COL8A1: variants seen among roughly 807,000 people sequenced by gnomAD.
The protein encoded by COL8A1 is collagen alpha-1(VIII) chain.
COL8A1 carries 21 observed loss-of-function variants against 42.7 expected under a neutral mutation model. The ratio of observed to expected loss-of-function variants is 0.49; its 90% CI spans 0.35 to 0.71. The LOEUF (loss-of-function observed/expected upper bound fraction) is 0.71. Ranked by LOEUF, COL8A1 falls within the 30% of genes least tolerant of loss-of-function variation. The pLI, the probability that COL8A1 is intolerant of heterozygous loss-of-function variation, is 0.01. For missense variants in COL8A1, 788 were observed against 962.4 expected (o/e 0.82, Z 2.40); for synonymous variants, 367 against 369.1 (o/e 0.99, Z 0.06).
chr3:99,765,979 T>C (rs530729197), intron 2 of COL8A1, among the ~76,000 whole-genome samples: 1 of 152,314 alleles, frequency 6.6e-6, no homozygotes. Context: ...AAATGTTAGC[T>C]CAACAAACCC....
At chr3:99,793,711 C>T (rs1293494134) in intron 3 of COL8A1, among the ~76,000 whole-genome samples, 4 of 151,994 alleles carry the variant, frequency 2.6e-5, no homozygotes, top group Non-Finnish European at 5.9e-5. Flanking sequence ...ACCTCAAATA[C>T]ATAAAAAAAA....
At chr3:99,729,166 C>G (rs934253093) in intron 1 of COL8A1, among the ~76,000 whole-genome samples, 1 of 152,006 alleles carries the variant, frequency 6.6e-6, no homozygotes, top group Admixed American at 6.6e-5. Context: ...TATCTTCTGT[C>G]AAACATTGCC....
At chr3:99,706,266 G>A (rs1043192622) in intron 1 of COL8A1, among the ~76,000 whole-genome samples, 14 of 152,190 alleles carry the variant, frequency 9.2e-5, no homozygotes, top group Non-Finnish European at 1.6e-4. Context: ...AGGAATGGAT[G>A]TTAATCTCTG....
At chr3:99,788,332 A>C (rs1941935781) in intron 2 of COL8A1, among the ~76,000 whole-genome samples, 1 of 152,238 alleles carries the variant, frequency 6.6e-6, no homozygotes, top group Non-Finnish European at 1.5e-5. Context: ...GTATTCTTCC[A>C]GGCATTTCAT....
intron 1 of COL8A1, chr3:99,678,692 A>G (rs1319987529): frequency 2.0e-5 from 3 of 152,080 alleles, no homozygotes; most frequent in Admixed American, 6.6e-5. Flanking sequence ...TCTCCACAAA[A>G]ATAGTTACTA....
chr3:99,729,623 A>G (rs568714950), intron 1 of COL8A1, among the ~76,000 whole-genome samples: 4 of 152,170 alleles, frequency 2.6e-5, no homozygotes, highest in African/African-American at 7.2e-5. Context: ...TTAGTTCAGA[A>G]TTGATCCTAT....
At chr3:99,710,361 C>T (rs923969032) in intron 1 of COL8A1, among the ~76,000 whole-genome samples, 6 of 152,074 alleles carry the variant, frequency 3.9e-5, no homozygotes, top group Admixed American at 3.9e-4. Flanking sequence ...TAAGCCCACT[C>T]CACTATCTCC....
At chr3:99,727,943 C>T (rs545889273) in intron 1 of COL8A1, among the ~76,000 whole-genome samples, 232 of 151,152 alleles carry the variant, frequency 1.5e-3, no homozygotes, top group African/African-American at 5.3e-3. Flanking sequence ...ATTCAACAAC[C>T]CTTCATGCTA....
chr3:99,795,855 A>C lies in COL8A1; in HGVS notation c.1954A>C (p.Ile652Leu). ...GRQNYNPQTG[I>L]FTCEVPGVYY... ...ACAGAACTACAACCCGCAGACAGGC[A>C]TCTTCACCTGTGAGGTCCCTGGTGT... The change falls in exon 4 of 4, where the codon ATC becomes CTC. Residue 652 changes from isoleucine to leucine, a missense_variant. By Grantham distance (5) the Ile-to-Leu change is conservative (BLOSUM62 2). Around this residue, in one of 4 missense-constraint regions of COL8A1, gnomAD observed 212 missense variants for 210.9 expected, o/e 1.00. Coordinates refer to ENST00000652472, the MANE Select transcript of COL8A1 (RefSeq NM_020351.4). 1 of 1,614,210 alleles carries C rather than the reference A, an allele frequency of 6.2e-7. No individual in the cohort carries two copies. The highest frequency in any genetic ancestry group is 1.1e-5 in the South Asian group (1 of 91,084).
At position 99,795,485 on chromosome 3, in the gene COL8A1, G is replaced by A; in HGVS notation, c.1584G>A (p.Gly528=). 1.3e-6 allele frequency: 2 copies of A among 1,557,508 alleles called. No homozygotes were observed. The highest frequency in any genetic ancestry group is 1.2e-5 in the South Asian group (1 of 86,134). The change falls in exon 4 of 4, where the codon GGG becomes GGA. Residue 528 remains glycine (G), a synonymous_variant. Coordinates refer to ENST00000652472, the MANE Select transcript of COL8A1 (RefSeq NM_020351.4). ...KGEPGLPGPP[G]FPGIGKPGVA... ...AGCCGGGCCTCCCAGGGCCCCCTGGGTTCCCTGGTATAGGGAAACCCGGAG... is the reference window on the plus strand; with the variant it reads ...AGCCGGGCCTCCCAGGGCCCCCTGGATTCCCTGGTATAGGGAAACCCGGAG...
chr3:99,795,157 T>C lies in COL8A1; in HGVS notation c.1256T>C (p.Val419Ala). The change falls in exon 4 of 4, where the codon GTA becomes GCA. Residue 419 changes from valine (V) to alanine (A), a missense_variant. Val to Ala is a moderately conservative substitution (Grantham distance 64). Around this residue, in one of 4 missense-constraint regions of COL8A1, gnomAD observed 421 missense variants for 553.1 expected, o/e 0.76. Coordinates refer to ENST00000652472, the MANE Select transcript of COL8A1 (RefSeq NM_020351.4). ...FPGPKGEGGI[V>A]GPQGPPGPKG... ...GGACCCAAAGGAGAAGGTGGGATTG[T>C]AGGGCCACAGGGGCCACCAGGTCCC... The C allele has an allele frequency of 1.9e-6, 3 of 1,613,596 alleles. No homozygotes were observed. The highest frequency in any genetic ancestry group is 1.7e-6 in the Non-Finnish European group (2 of 1,179,782).
At chr3:99,753,668 A>G (rs1164972708) in intron 2 of COL8A1, among the ~76,000 whole-genome samples, 1 of 152,154 alleles carries the variant, frequency 6.6e-6, no homozygotes, top group East Asian at 1.9e-4. Flanking sequence ...ACACAAAACT[A>G]TGTTCAAAAT....
intron 1 of COL8A1, among the ~76,000 whole-genome samples, chr3:99,668,875 A>G (rs1221112763): frequency 6.6e-6 from 1 of 152,030 alleles, no homozygotes; most frequent in East Asian, 1.9e-4. Flanking sequence ...AAATAAACAA[A>G]TTGACAAGTA....
intron 1 of COL8A1, among the ~76,000 whole-genome samples, chr3:99,730,140 T>C (rs972379735): frequency 3.3e-5 from 5 of 152,130 alleles, no homozygotes; most frequent in East Asian, 1.9e-4. Flanking sequence ...CATGAAAGAA[T>C]AGAATCTTTA....
chr3:99,696,853 A>G (rs1229233259), intron 1 of COL8A1, among the ~76,000 whole-genome samples: 1 of 152,186 alleles, frequency 6.6e-6, no homozygotes, highest in Non-Finnish European at 1.5e-5. Context: ...ATTCAGCTCT[A>G]CTTTGTCATA....
At chr3:99,696,692 C>CG (rs373357023) in intron 1 of COL8A1, among the ~76,000 whole-genome samples, 1 of 152,148 alleles carries the variant, frequency 6.6e-6, no homozygotes, top group African/African-American at 2.4e-5. Context: ...CATCAGTCCC[C>CG]GGGGTTACGC....
In COL8A1 at chr3:99,795,917, C is replaced by A. The variant is rs1942099141; in HGVS notation, c.2016C>A (p.Gly672=). ...YFAYHVHCKG[G]NVWVALFKNN... ...CATACCACGTTCACTGCAAGGGGGG[C>A]AACGTGTGGGTTGCTCTATTCAAGA... is the stretch of plus-strand genomic sequence containing the variant. The change falls in exon 4 of 4, where the codon GGC becomes GGA. Residue 672 remains glycine, a synonymous_variant. Coordinates refer to ENST00000652472, the MANE Select transcript of COL8A1 (RefSeq NM_020351.4). 6.2e-7 allele frequency: 1 copy of A among 1,614,144 alleles called. No individual in the cohort carries two copies. Among genetic ancestry groups the A allele is most frequent in the Non-Finnish European group, 8.5e-7 (1 of 1,180,010 alleles).
intron 2 of COL8A1, among the ~76,000 whole-genome samples, chr3:99,776,554 CA>C (rs1230459865): frequency 6.6e-6 from 1 of 151,596 alleles, no homozygotes; most frequent in African/African-American, 2.4e-5. Flanking sequence ...ACTTTGTAAG[CA>C]AAAAAAATTA....
At position 99,796,777 on chromosome 3, in the gene COL8A1, T is replaced by C. The variant is rs1055285949; in HGVS notation, c.*641T>C. On this transcript the variant is annotated 3_prime_UTR_variant, in exon 4 of 4. Coordinates refer to ENST00000652472, the MANE Select transcript of COL8A1 (RefSeq NM_020351.4). ...TGCGTGTCTGTTGTCTCTAAAAGAA[T>C]GGGTGAACCAATCGGCCTTTGTGAA... 1 of 152,240 alleles carries C rather than the reference T, an allele frequency of 6.6e-6. No homozygotes were observed. The highest frequency in any genetic ancestry group is 1.9e-4 in the East Asian group (1 of 5,196). The allele number at this position is 152,240 out of a possible 1,614,324, so 9.4% of individuals were successfully genotyped here. A position where few individuals can be genotyped will look rare whatever the true frequency, so the allele number is the denominator to read the frequency against.
Sources: gnomAD v4.1 joint callset for allele counts (sites outside exome capture counted in the v4.1 genomes callset) on GRCh38, gnomAD v4.1.1 for gene constraint, gnomAD v4.1.1 regional missense constraint, MANE v1.5 for transcripts, NCBI Gene and HGNC (gene_info 2026-07-23, HGNC 2026-07-21) for gene names.